Variants in STOX2 observed in about 807,000 individuals in gnomAD.
The protein encoded by STOX2 is storkhead-box protein 2.
STOX2 carries 28 observed loss-of-function variants against 60.9 expected under a neutral mutation model. The observed-to-expected ratio is 0.46, with a 90% CI of 0.34 to 0.63. The LOEUF is 0.63. Ranked by LOEUF, STOX2 falls within the 30% of genes least tolerant of loss-of-function variation. The pLI is 0.01. For synonymous variants in STOX2, 472 were observed against 463.9 expected, an observed-to-expected ratio of 1.02 and a Z score of -0.22; for missense variants, 1,024 against 1,187.7, an observed-to-expected ratio of 0.86 and a Z score of 2.03.
intron 1 of STOX2, among the ~76,000 whole-genome samples, chr4:183,874,991 AT>A (rs1740796456): frequency 1.2e-5 from 1 of 84,878 alleles, no homozygotes; most frequent in African/African-American, 4.3e-5. Context: ...ATATATATAT[AT>A]AAAACTTAGA....
Position 183,834,648 on chromosome 4 carries a change from A to G in STOX2, c.364+36593A>G, listed in dbSNP as rs537853307. Among the ~76,000 whole-genome samples, 178 of 152,354 alleles carry G rather than the reference A, an allele frequency of 1.2e-3. 5 individuals carry two copies. In the South Asian group the frequency reaches 0.035, roughly 30 times the overall value. On this transcript the variant is annotated intron_variant, in intron 1 of 2. Coordinates refer to the STOX2 transcript ENST00000513034. ...AGAATAGTCATGAAGATCCGTGCCT[A>G]TTCCATGTTCTTTTGGTCTTACAAT... is the stretch of plus-strand genomic sequence containing the variant.
chr4:183,823,143 C>T (rs544303363), intron 1 of STOX2, among the ~76,000 whole-genome samples: 1 of 152,328 alleles, frequency 6.6e-6, no homozygotes, highest in South Asian at 2.1e-4. Context: ...CACCTGTAAT[C>T]CCAGCACTTT....
Position 183,865,650 on chromosome 4 carries a change from C to T in STOX2, c.364+67595C>T, listed in dbSNP as rs73870928. ...TATGGGATGTAAAGAAAAAAATTCA[C>T]TGAAGAGGAGGTAGTGATTTATGCT... On this transcript the variant is annotated intron_variant, in intron 1 of 2. Coordinates refer to the STOX2 transcript ENST00000513034. The surrounding 1 kb of genome is among the most constrained non-coding windows in gnomAD (Gnocchi z 4.1). Among the ~76,000 whole-genome samples the T allele has an allele frequency of 1.5e-3, 233 of 152,144 alleles. No individual in the cohort carries two copies. The highest frequency in any genetic ancestry group is 5.1e-3 in the African/African-American group (210 of 41,500).
At chr4:183,975,316 A>C (rs905196983) in intron 1 of STOX2, among the ~76,000 whole-genome samples, 4 of 152,150 alleles carry the variant, frequency 2.6e-5, no homozygotes, top group African/African-American at 9.6e-5. Flanking sequence ...TAAAGCAAGC[A>C]GAAAGAAGGA....
chr4:183,855,818 C>T (rs928394863), intron 1 of STOX2, among the ~76,000 whole-genome samples: 3 of 152,166 alleles, frequency 2.0e-5, no homozygotes, highest in Admixed American at 6.5e-5. Context: ...CGTCTGGAAG[C>T]GTGCAAATGT....
At chr4:183,879,995 T>C (rs1740918964) in intron 1 of STOX2, among the ~76,000 whole-genome samples, 1 of 152,084 alleles carries the variant, frequency 6.6e-6, no homozygotes, top group South Asian at 2.1e-4. Flanking sequence ...TTTTCTTTTT[T>C]CTGTTTTTTT....
chr4:183,802,060 C>A (rs779819342), intron 1 of STOX2, among the ~76,000 whole-genome samples: 10 of 152,198 alleles, frequency 6.6e-5, no homozygotes, highest in Non-Finnish European at 1.5e-4. Flanking sequence ...GCCTTCTAGC[C>A]TCGGCCACAA....
intron 1 of STOX2, chr4:183,988,651 A>G (rs1226725129): frequency 6.6e-6 from 1 of 152,592 alleles, no homozygotes; most frequent in Non-Finnish European, 1.5e-5. Flanking sequence ...TGAAATGCTC[A>G]TTTAGGATAC....
At chr4:183,814,400 A>G (rs1176283120) in intron 1 of STOX2, among the ~76,000 whole-genome samples, 2 of 152,148 alleles carry the variant, frequency 1.3e-5, no homozygotes, top group African/African-American at 4.8e-5. Context: ...TTGCCGAGTA[A>G]TTTTCTCACT....
At chr4:183,905,182 C>A (rs1381732269), upstream of STOX2, among the ~76,000 whole-genome samples, 1 of 152,232 alleles carries the variant, frequency 6.6e-6, no homozygotes, top group Non-Finnish European at 1.5e-5. Context: ...GCCTTTAACT[C>A]GGCGTGACCT....
At chr4:183,870,769 G>T (rs1258985939) in intron 1 of STOX2, among the ~76,000 whole-genome samples, 1 of 152,152 alleles carries the variant, frequency 6.6e-6, no homozygotes. Context: ...TGGGGGAGAA[G>T]AATTTCAGTA....
intron 1 of STOX2, among the ~76,000 whole-genome samples, chr4:183,839,970 C>T (rs773622100): frequency 1.3e-5 from 2 of 151,992 alleles, no homozygotes; most frequent in Non-Finnish European, 2.9e-5. Context: ...ATGTTGCCTT[C>T]GAGTAACACA....
intron 1 of STOX2, among the ~76,000 whole-genome samples, chr4:183,913,865 T>A (rs1165890852): frequency 1.3e-5 from 2 of 152,120 alleles, no homozygotes; most frequent in Admixed American, 1.3e-4. Flanking sequence ...CTCAAGATTT[T>A]AAAAATATGT....
chr4:184,017,138 C>T lies in STOX2; in HGVS notation c.2635C>T (p.Arg879Cys). 1.9e-6 allele frequency: 3 copies of T among 1,613,686 alleles called. No individual in the cohort carries two copies. The highest frequency in any genetic ancestry group is 2.7e-5 in the African/African-American group (2 of 75,016). ...SNTSSIVESN[R>C]RQNPALSPAH... is the part of the protein sequence containing the mutation. ...CACATCAAGCATTGTTGAAAGTAAC[C>T]GTCGTCAGAACCCCGCTTTGAGCCC... Residue 879 changes from arginine to cysteine, a missense_variant, in exon 4 of 4, where the codon CGT (arginine) becomes TGT (cysteine). Coordinates refer to ENST00000308497, the MANE Select transcript of STOX2 (RefSeq NM_020225.3).
intron 1 of STOX2, among the ~76,000 whole-genome samples, chr4:183,915,028 C>A (rs1741889891): frequency 6.6e-6 from 1 of 152,244 alleles, no homozygotes; most frequent in African/African-American, 2.4e-5. Flanking sequence ...CTGTCATATA[C>A]CTATCCCGTT....
At chr4:183,928,272 C>T (rs1742304321) in intron 1 of STOX2, among the ~76,000 whole-genome samples, 1 of 152,130 alleles carries the variant, frequency 6.6e-6, no homozygotes, top group African/African-American at 2.4e-5. Context: ...TGCACCTCCC[C>T]AGAGCTGCCC....
intron 1 of STOX2, among the ~76,000 whole-genome samples, chr4:183,976,374 GA>G (rs1034642299): frequency 6.6e-5 from 10 of 151,816 alleles, no homozygotes; most frequent in South Asian, 2.1e-4. Context: ...TACCAAAGAA[GA>G]AAAAAACCAC....
chr4:184,001,951 C>CT lies in STOX2; in HGVS notation c.319+476dup, dbSNP rs1261347004. 6.8e-6 allele frequency among the ~76,000 whole-genome samples: 1 copy of CT among 147,040 alleles called. No homozygotes were observed. The highest frequency in any genetic ancestry group is 1.5e-5 in the Non-Finnish European group (1 of 66,210). On this transcript the variant is annotated intron_variant, in intron 2 of 3. Coordinates refer to ENST00000308497, the MANE Select transcript of STOX2 (RefSeq NM_020225.3). This position sits in a 1 kb window ranked among gnomAD's most constrained non-coding sequence, Gnocchi z 4.2. ...GGATTTCATTTTAAAAAATAAAATA[C>CT]TTACTTTTCTCTTAAATGTTATAAA...
intron 1 of STOX2, among the ~76,000 whole-genome samples, chr4:183,991,473 G>A (rs2111205100): frequency 6.6e-6 from 1 of 151,636 alleles, no homozygotes; most frequent in African/African-American, 2.4e-5. Flanking sequence ...TGTTTCCCAG[G>A]CTGGAGTGCA....
Sources: gnomAD v4.1 joint callset for allele counts (sites outside exome capture counted in the v4.1 genomes callset) on GRCh38, gnomAD v4.1.1 for gene constraint, Gnocchi (gnomAD v3.1) non-coding constraint, MANE v1.5 for transcripts, NCBI Gene and HGNC (gene_info 2026-07-23, HGNC 2026-07-21) for gene names.